ANKRD44: variants seen among roughly 807,000 people sequenced by gnomAD.
ANKRD44 encodes the protein serine/threonine-protein phosphatase 6 regulatory ankyrin repeat subunit B.
ANKRD44 carries 35 observed loss-of-function variants against 116.0 expected under a neutral mutation model. The observed-to-expected ratio is 0.30, with a 90% CI of 0.23 to 0.40. ANKRD44 has a LOEUF of 0.40. ANKRD44 is among the 10% of genes least tolerant of loss of function. ANKRD44 has a pLI of 1.00. For synonymous variants in ANKRD44, 435 were observed against 461.8 expected, an observed-to-expected ratio of 0.94 and a Z score of 0.74; for missense variants, 1,014 against 1,242.6, an observed-to-expected ratio of 0.82 and a Z score of 2.77.
intron 1 of ANKRD44, chr2:197,199,248 G>C (rs1054825058): frequency 6.6e-6 from 1 of 152,120 alleles, no homozygotes; most frequent in African/African-American, 2.4e-5. Context: ...CGAGCTGAAA[G>C]AACAAAACAA....
chr2:197,030,896 C>G (rs1446155679), intron 16 of ANKRD44, among the ~76,000 whole-genome samples: 1 of 151,928 alleles, frequency 6.6e-6, no homozygotes, highest in Non-Finnish European at 1.5e-5. Flanking sequence ...AGGCTGGTCT[C>G]AAACTCTAGG....
At chr2:197,002,431 T>A (rs1023444012) in intron 21 of ANKRD44, among the ~76,000 whole-genome samples, 7 of 152,210 alleles carry the variant, frequency 4.6e-5, no homozygotes, top group Non-Finnish European at 7.3e-5. Context: ...GGTAGGTAGT[T>A]TCCAAATCAA....
intron 1 of ANKRD44, among the ~76,000 whole-genome samples, chr2:197,198,417 A>T (rs1471072348): frequency 2.0e-5 from 3 of 152,168 alleles, no homozygotes; most frequent in Non-Finnish European, 4.4e-5. Context: ...CTGCAATAAT[A>T]GTCTGCACAA....
chr2:197,214,140 T>A lies in ANKRD44; in HGVS notation c.28-27034A>T, dbSNP rs541936299. ...GTGGGAAATTACTATAAGGAAATGA[T>A]CAGAGATGAGCACAAAGATTTATGT... On this transcript the variant is annotated intron_variant, in intron 1 of 27. Coordinates refer to ENST00000282272, the MANE Select transcript of ANKRD44 (RefSeq NM_001195144.2). 6.6e-5 allele frequency among the ~76,000 whole-genome samples: 10 copies of A among 152,264 alleles called. 1 individual carries two copies. Among genetic ancestry groups the A allele is most frequent in the Admixed American group, 3.3e-4 (5 of 15,280 alleles).
At chr2:197,158,455 AT>A (rs1477685974) in intron 2 of ANKRD44, among the ~76,000 whole-genome samples, 3 of 152,198 alleles carry the variant, frequency 2.0e-5, no homozygotes, top group African/African-American at 7.2e-5. Flanking sequence ...TAATTAATTC[AT>A]TAACCAATTT....
At chr2:197,114,057 A>G (rs1360003851) in intron 8 of ANKRD44, among the ~76,000 whole-genome samples, 5 of 152,216 alleles carry the variant, frequency 3.3e-5, no homozygotes, top group Non-Finnish European at 5.9e-5. Context: ...TACTTTTTAT[A>G]TAATTCTTAA....
Position 196,988,589 on chromosome 2 carries a change from T to G in ANKRD44, c.*1002A>C. On this transcript the variant is annotated 3_prime_UTR_variant, in exon 28 of 28. Transcript: ENST00000282272. ...TAAAGTTTTATAGCTAGATGAAAAATATAATACAGTTATCTGTCTTTGATC... is the reference window on the plus strand; with the variant it reads ...TAAAGTTTTATAGCTAGATGAAAAAGATAATACAGTTATCTGTCTTTGATC... The G allele has an allele frequency of 1.0e-6, 1 of 983,970 alleles. No homozygotes were observed. Among genetic ancestry groups the G allele is most frequent in the Non-Finnish European group, 1.2e-6 (1 of 828,604 alleles). 61.0% of individuals were successfully genotyped at this position (983,970 alleles called of 1,614,324 possible).
intron 9 of ANKRD44, among the ~76,000 whole-genome samples, chr2:197,106,857 G>C (rs1051327693): frequency 2.7e-5 from 4 of 148,388 alleles, no homozygotes; most frequent in Non-Finnish European, 4.5e-5. Flanking sequence ...ATAAAAGACA[G>C]ACTCTCTATT....
intron 8 of ANKRD44, among the ~76,000 whole-genome samples, chr2:197,117,728 A>T (rs969688059): frequency 3.3e-5 from 5 of 152,050 alleles, no homozygotes; most frequent in Non-Finnish European, 5.9e-5. Context: ...TGTCCCACCA[A>T]GTCTTGCTGA....
chr2:197,118,642 A>AGAAAGAAG (rs2078774689), intron 8 of ANKRD44, among the ~76,000 whole-genome samples: 1 of 140,186 alleles, frequency 7.1e-6, no homozygotes, highest in Non-Finnish European at 1.6e-5. Flanking sequence ...AGAGAGAGAA[A>AGAAAGAAG]GAAAGAAAGA....
intron 1 of ANKRD44, among the ~76,000 whole-genome samples, chr2:197,214,378 T>C (rs1222694510): frequency 6.6e-6 from 1 of 152,170 alleles, no homozygotes; most frequent in Non-Finnish European, 1.5e-5. Flanking sequence ...TAAACAAAAC[T>C]ATATCCAAGG....
At chr2:197,284,611 C>T (rs545538086) in intron 1 of ANKRD44, among the ~76,000 whole-genome samples, 3 of 151,912 alleles carry the variant, frequency 2.0e-5, no homozygotes, top group Admixed American at 6.6e-5. Flanking sequence ...TAGAGCCAGG[C>T]GTGGTGGCTC....
At chr2:197,128,736 G>T (rs1208696174) in intron 4 of ANKRD44, among the ~76,000 whole-genome samples, 1 of 152,110 alleles carries the variant, frequency 6.6e-6, no homozygotes, top group African/African-American at 2.4e-5. Context: ...GAATGGCACT[G>T]CCTAGATTTT....
At chr2:197,016,087 T>C in intron 17 of ANKRD44, 2 of 439,156 alleles carry the variant, frequency 4.6e-6, no homozygotes, top group Admixed American at 2.6e-5. Flanking sequence ...CAGGTTACTT[T>C]GAGACAATTG....
intron 3 of ANKRD44, among the ~76,000 whole-genome samples, chr2:197,143,866 T>A (rs1456745270): frequency 6.6e-6 from 1 of 152,182 alleles, no homozygotes; most frequent in African/African-American, 2.4e-5. Flanking sequence ...TGACCTCAAG[T>A]GATCCTCCCA....
intron 8 of ANKRD44, 119 bp downstream of exon 8, chr2:197,121,213 C>G (rs2078845974): frequency 2.0e-6 from 2 of 998,976 alleles, no homozygotes; most frequent in Non-Finnish European, 3.0e-6. Context: ...GCCTCCAAAT[C>G]CAGGACAAGG....
Position 196,987,985 on chromosome 2 carries a change from G to A in ANKRD44, c.*1606C>T. The A allele has an allele frequency of 1.0e-6, 1 of 985,102 alleles. No individual in the cohort carries two copies. The highest frequency in any genetic ancestry group is 1.2e-6 in the Non-Finnish European group (1 of 829,670). 61.0% of individuals were successfully genotyped at this position (985,102 alleles called of 1,614,324 possible). A position where few individuals can be genotyped will look rare whatever the true frequency, so the allele number is the denominator to read the frequency against. The stretch of plus-strand genomic sequence containing the variant: ...GGAGAAAGAGAAAGAGAGGAAGAGA[G>A]AGAGAGAGAGATCAGTTGATGTAAT... On this transcript the variant is annotated 3_prime_UTR_variant, in exon 28 of 28. Transcript: ENST00000282272.
intron 1 of ANKRD44, among the ~76,000 whole-genome samples, chr2:197,204,634 C>T (rs555134659): frequency 2.6e-5 from 4 of 152,140 alleles, no homozygotes; most frequent in Non-Finnish European, 5.9e-5. Context: ...CCAGACGTTT[C>T]AGTGAAATGC....
chr2:197,190,976 G>T (rs2080808240), intron 1 of ANKRD44, among the ~76,000 whole-genome samples: 1 of 152,064 alleles, frequency 6.6e-6, no homozygotes, highest in Non-Finnish European at 1.5e-5. Flanking sequence ...TGTAACAAGG[G>T]TCAAAATTGA....
Sources: gnomAD v4.1 joint callset for allele counts (sites outside exome capture counted in the v4.1 genomes callset) on GRCh38, gnomAD v4.1.1 for gene constraint, MANE v1.5 for transcripts, NCBI Gene and HGNC (gene_info 2026-07-23, HGNC 2026-07-21) for gene names.